Variants in IQCJ observed in about 807,000 individuals in gnomAD.
IQCJ encodes the protein IQ domain-containing protein J.
IQCJ carries 9 observed loss-of-function variants against 11.0 expected under a neutral mutation model. The observed-to-expected ratio is 0.82, with a 90% CI of 0.49 to 1.43. The LOEUF (loss-of-function observed/expected upper bound fraction) is 1.43, where lower values mean the gene tolerates loss of function less well. Ranked by LOEUF, IQCJ falls within the 40% of genes most tolerant of loss-of-function variation. The pLI, the probability that IQCJ is intolerant of heterozygous loss-of-function variation, is 0.00. For synonymous variants in IQCJ, 55 were observed against 51.3 expected (o/e 1.07, Z -0.31); for missense variants, 146 against 133.2 (o/e 1.10, Z -0.47).
chr3:159,185,356 T>C (rs1003923508), intron 1 of IQCJ, among the ~76,000 whole-genome samples: 5 of 152,102 alleles, frequency 3.3e-5, no homozygotes, highest in Admixed American at 3.3e-4. Flanking sequence ...TTCTAAAATG[T>C]AGTAATAGTG....
intron 1 of IQCJ, among the ~76,000 whole-genome samples, chr3:159,077,426 G>A (rs939680650): frequency 3.3e-5 from 5 of 152,032 alleles, no homozygotes; most frequent in Non-Finnish European, 7.4e-5. Context: ...CATTGTTTGT[G>A]TTATTAAAAA....
At chr3:159,185,293 G>C (rs1164892057) in intron 1 of IQCJ, among the ~76,000 whole-genome samples, 1 of 152,052 alleles carries the variant, frequency 6.6e-6, no homozygotes, top group Non-Finnish European at 1.5e-5. Flanking sequence ...TCACAGGAGG[G>C]CATTCTGATT....
At chr3:159,226,353 CTG>C (rs1725852719) in intron 1 of IQCJ, among the ~76,000 whole-genome samples, 1 of 152,174 alleles carries the variant, frequency 6.6e-6, no homozygotes, top group Admixed American at 6.5e-5. Flanking sequence ...ACACTCATCA[CTG>C]TGAAGATTCC....
downstream of IQCJ, chr3:159,265,299 A>T: frequency 6.2e-7 from 1 of 1,613,796 alleles, no homozygotes; most frequent in East Asian, 2.2e-5. Context: ...TGGTGGAAGG[A>T]AGGTGATTCT....
chr3:159,189,753 C>T (rs1425739959), intron 1 of IQCJ, among the ~76,000 whole-genome samples: 1 of 152,186 alleles, frequency 6.6e-6, no homozygotes, highest in Admixed American at 6.5e-5. Flanking sequence ...ACTAGTCGTT[C>T]CCCTTCTGAA....
rs1203263379 is a variant in IQCJ at position 159,263,528 on chromosome 3, A to C, written c.*797A>C. 1 of 985,094 alleles carries C rather than the reference A, an allele frequency of 1.0e-6. No homozygotes were observed. Among genetic ancestry groups the C allele is most frequent in the Non-Finnish European group, 1.2e-6 (1 of 829,606 alleles). The allele number at this position is 985,094 out of a possible 1,614,324, so 61.0% of individuals were successfully genotyped here. On this transcript the variant is annotated 3_prime_UTR_variant, in exon 4 of 4. Transcript: ENST00000397832. ...ATTTTGTGGATTTAAGCATTGTGAT[A>C]ATTTGTAACCAGTCACTGAAATGCT...
chr3:159,121,068 A>G (rs1427171786), intron 1 of IQCJ, among the ~76,000 whole-genome samples: 1 of 152,012 alleles, frequency 6.6e-6, no homozygotes, highest in Non-Finnish European at 1.5e-5. Context: ...CCTTGGCCAT[A>G]ACTATCCCAA....
chr3:159,096,456 A>G (rs1204212374), intron 1 of IQCJ, among the ~76,000 whole-genome samples: 25 of 132,072 alleles, frequency 1.9e-4, no homozygotes, highest in Non-Finnish European at 3.5e-4. Context: ...TATGTCCTGA[A>G]TGGTAATGCC....
chr3:159,226,858 A>G (rs1367765849), intron 1 of IQCJ, among the ~76,000 whole-genome samples: 1 of 152,194 alleles, frequency 6.6e-6, no homozygotes, highest in Non-Finnish European at 1.5e-5. Flanking sequence ...AGTTTACCTG[A>G]TGACTCACCA....
At chr3:159,172,797 G>A (rs1722559868) in intron 1 of IQCJ, among the ~76,000 whole-genome samples, 1 of 151,772 alleles carries the variant, frequency 6.6e-6, no homozygotes, top group Non-Finnish European at 1.5e-5. Context: ...GGGAGATGTT[G>A]ATTTTTTGGT....
chr3:159,241,653 C>A (rs1726931631), intron 1 of IQCJ, among the ~76,000 whole-genome samples: 1 of 152,294 alleles, frequency 6.6e-6, no homozygotes, highest in East Asian at 1.9e-4. Flanking sequence ...ATTTCAAAAT[C>A]CTAACACTCC....
intron 1 of IQCJ, among the ~76,000 whole-genome samples, chr3:159,220,336 A>T (rs141325724): frequency 1.5e-3 from 235 of 152,252 alleles, no homozygotes; most frequent in African/African-American, 5.4e-3. Flanking sequence ...TAGGTAATTA[A>T]GTTTAAATGA....
chr3:159,203,910 G>A (rs1724499532), intron 1 of IQCJ, among the ~76,000 whole-genome samples: 1 of 152,082 alleles, frequency 6.6e-6, no homozygotes, highest in Non-Finnish European at 1.5e-5. Flanking sequence ...GTCCCTGTGT[G>A]GTAAGAGGGC....
chr3:159,190,468 T>G (rs1723617288), intron 1 of IQCJ, among the ~76,000 whole-genome samples: 1 of 152,152 alleles, frequency 6.6e-6, no homozygotes, highest in Non-Finnish European at 1.5e-5. Context: ...ACATGAGTGT[T>G]AAGGTGAAGC....
chr3:159,215,893 C>T (rs751081273), intron 1 of IQCJ, among the ~76,000 whole-genome samples: 23 of 151,918 alleles, frequency 1.5e-4, no homozygotes, highest in Admixed American at 9.8e-4. Flanking sequence ...AGATCAAGTG[C>T]CTCTCAGGAA....
chr3:159,235,671 C>T (rs1726538544), intron 1 of IQCJ, among the ~76,000 whole-genome samples: 1 of 152,090 alleles, frequency 6.6e-6, no homozygotes, highest in Non-Finnish European at 1.5e-5. Context: ...ATCTCAGATC[C>T]AAGGTTACCA....
chr3:159,168,010 A>G (rs1179894723), intron 1 of IQCJ, among the ~76,000 whole-genome samples: 1 of 152,166 alleles, frequency 6.6e-6, no homozygotes, highest in East Asian at 1.9e-4. Flanking sequence ...TGGCAGTAAA[A>G]TTCTTGCCCA....
chr3:159,079,964 A>G (rs1716198705), intron 1 of IQCJ, among the ~76,000 whole-genome samples: 1 of 152,088 alleles, frequency 6.6e-6, no homozygotes, highest in Non-Finnish European at 1.5e-5. Flanking sequence ...AAATTTGCCA[A>G]TTTTACCCTC....
intron 1 of IQCJ, among the ~76,000 whole-genome samples, chr3:159,243,455 A>G (rs1727055970): frequency 6.6e-6 from 1 of 152,238 alleles, no homozygotes; most frequent in African/African-American, 2.4e-5. Context: ...TGAGCTATTG[A>G]TACATGCAAC....
Sources: gnomAD v4.1 joint callset for allele counts (sites outside exome capture counted in the v4.1 genomes callset) on GRCh38, gnomAD v4.1.1 for gene constraint, MANE v1.5 for transcripts, NCBI Gene and HGNC (gene_info 2026-07-23, HGNC 2026-07-21) for gene names.